IMMP1L: variants seen among roughly 807,000 people sequenced by gnomAD.
The protein encoded by IMMP1L is inner mitochondrial membrane peptidase subunit 1, also known as mitochondrial inner membrane protease subunit 1.
IMMP1L carries 24 observed loss-of-function variants against 21.8 expected under a neutral mutation model. The observed-to-expected ratio is 1.10, with a 90% CI of 0.80 to 1.55. The LOEUF (loss-of-function observed/expected upper bound fraction) is 1.55, where lower values mean the gene tolerates loss of function less well. Ranked by LOEUF, IMMP1L falls within the 40% of genes most tolerant of loss-of-function variation. The probability of loss-of-function intolerance (pLI) is 0.00; values close to 1 mark genes in which losing one functional copy is unlikely to be tolerated. For synonymous variants in IMMP1L, 46 were observed against 62.8 expected, an observed-to-expected ratio of 0.73 and a Z score of 1.26; for missense variants, 195 against 200.7, an observed-to-expected ratio of 0.97 and a Z score of 0.17.
chr11:31,491,424 TAGC>T (rs1306181109), intron 1 of IMMP1L, among the ~76,000 whole-genome samples: 5 of 152,168 alleles, frequency 3.3e-5, no homozygotes, highest in Non-Finnish European at 7.3e-5. Context: ...AGTAAAGAAA[TAGC>T]AGTCCTTGTT....
chr11:31,479,599 A>C (rs532676165), intron 1 of IMMP1L, among the ~76,000 whole-genome samples: 1 of 152,080 alleles, frequency 6.6e-6, no homozygotes, highest in Non-Finnish European at 1.5e-5. Flanking sequence ...AAAGATGACT[A>C]GTCCAAATTG....
chr11:31,499,226 G>A lies in IMMP1L; in HGVS notation c.-30+10293C>T, dbSNP rs564846702. ...AAAAATACAAAAAAATTAGCTGGGC[G>A]TGGTGGCGGGCACCTGTAGTCCCAG... On this transcript the variant is annotated intron_variant, in intron 1 of 5. Transcript: ENST00000532287. Among the ~76,000 whole-genome samples the A allele has an allele frequency of 1.1e-3, 162 of 152,202 alleles. 1 individual carries two copies. The highest frequency in any genetic ancestry group is 3.5e-3 in the African/African-American group (146 of 41,530).
At chr11:31,480,337 TC>T (rs1954854619) in intron 1 of IMMP1L, among the ~76,000 whole-genome samples, 1 of 152,044 alleles carries the variant, frequency 6.6e-6, no homozygotes, top group South Asian at 2.1e-4. Flanking sequence ...AGTCTTTTGA[TC>T]ATATCATCAA....
intron 4 of IMMP1L, among the ~76,000 whole-genome samples, chr11:31,441,743 G>A (rs1473286700): frequency 1.3e-5 from 2 of 151,952 alleles, no homozygotes; most frequent in Non-Finnish European, 2.9e-5. Context: ...AGATTAACAT[G>A]TATTTTTCTT....
intron 1 of IMMP1L, among the ~76,000 whole-genome samples, chr11:31,491,517 A>G (rs1955256408): frequency 6.6e-6 from 1 of 152,194 alleles, no homozygotes; most frequent in African/African-American, 2.4e-5. Flanking sequence ...TAACTTGAAT[A>G]TGTAGCTGAG....
intron 1 of IMMP1L, among the ~76,000 whole-genome samples, chr11:31,472,087 A>G (rs1014507730): frequency 2.0e-5 from 3 of 152,048 alleles, no homozygotes; most frequent in African/African-American, 7.3e-5. Flanking sequence ...TTACTCTTTT[A>G]AGGACCCTGG....
chr11:31,450,825 C>A (rs1177990452), intron 4 of IMMP1L, among the ~76,000 whole-genome samples: 1 of 152,096 alleles, frequency 6.6e-6, no homozygotes, highest in East Asian at 1.9e-4. Flanking sequence ...GCACCCTATT[C>A]ATATATATCT....
intron 3 of IMMP1L, 77 bp from the exon 4 acceptor site, chr11:31,456,463 T>C: frequency 1.8e-6 from 2 of 1,136,990 alleles, no homozygotes; most frequent in South Asian, 1.4e-5. Context: ...TTTAATACTT[T>C]TATAAGACAA....
chr11:31,436,724 G>A (rs952337267), intron 4 of IMMP1L, among the ~76,000 whole-genome samples: 15 of 152,014 alleles, frequency 9.9e-5, no homozygotes, highest in African/African-American at 2.9e-4. Flanking sequence ...GAGCCAGTGC[G>A]CCCAACCATC....
intron 4 of IMMP1L, among the ~76,000 whole-genome samples, chr11:31,442,204 C>A (rs573858865): frequency 6.6e-6 from 1 of 152,190 alleles, no homozygotes; most frequent in South Asian, 2.1e-4. Flanking sequence ...ATGATAAAAC[C>A]TAATCTCAGG....
intron 1 of IMMP1L, among the ~76,000 whole-genome samples, chr11:31,467,120 T>C (rs770094677): frequency 6.6e-6 from 1 of 152,194 alleles, no homozygotes; most frequent in Non-Finnish European, 1.5e-5. Context: ...TAGTATTTTA[T>C]GTATATTTCA....
intron 1 of IMMP1L, among the ~76,000 whole-genome samples, chr11:31,508,017 G>T (rs575918448): frequency 1.3e-5 from 2 of 152,220 alleles, no homozygotes; most frequent in East Asian, 1.9e-4. Flanking sequence ...TTGTAGGGGT[G>T]GGGGGACAGA....
chr11:31,438,275 TG>T (rs1217746846), intron 4 of IMMP1L, among the ~76,000 whole-genome samples: 1 of 152,202 alleles, frequency 6.6e-6, no homozygotes, highest in African/African-American at 2.4e-5. Context: ...GATATTAAAT[TG>T]TGGTTTTAAT....
At chr11:31,464,514 T>A (rs1274122859) in intron 1 of IMMP1L, among the ~76,000 whole-genome samples, 5 of 152,058 alleles carry the variant, frequency 3.3e-5, no homozygotes, top group African/African-American at 1.2e-4. Flanking sequence ...AAATCCCCAA[T>A]GAGCTCAGAT....
chr11:31,508,075 G>A (rs1050182619), intron 1 of IMMP1L, among the ~76,000 whole-genome samples: 1 of 152,086 alleles, frequency 6.6e-6, no homozygotes, highest in Non-Finnish European at 1.5e-5. Flanking sequence ...ATACCGAGGT[G>A]GTGGGTTGAT....
At chr11:31,452,373 G>A (rs1953785358) in intron 4 of IMMP1L, 1 of 985,140 alleles carries the variant, frequency 1.0e-6, no homozygotes, top group Non-Finnish European at 1.2e-6. Flanking sequence ...CAAAATTATA[G>A]TGTATTTCTG....
intron 4 of IMMP1L, among the ~76,000 whole-genome samples, chr11:31,448,057 C>T (rs1953595293): frequency 6.6e-6 from 1 of 152,092 alleles, no homozygotes; most frequent in African/African-American, 2.4e-5. Context: ...ACCTGTAATC[C>T]CAGCACTTTG....
chr11:31,453,551 G>A (rs1259018008), intron 4 of IMMP1L, among the ~76,000 whole-genome samples: 1 of 152,124 alleles, frequency 6.6e-6, no homozygotes, highest in Non-Finnish European at 1.5e-5. Flanking sequence ...GCTAAAAAAA[G>A]GGACACACGA....
intron 1 of IMMP1L, among the ~76,000 whole-genome samples, chr11:31,500,662 C>G (rs1448708505): frequency 6.6e-6 from 1 of 151,588 alleles, no homozygotes; most frequent in African/African-American, 2.4e-5. Flanking sequence ...GGACTCGGAA[C>G]ACAGGGCAAA....
Sources: gnomAD v4.1 joint callset for allele counts (sites outside exome capture counted in the v4.1 genomes callset) on GRCh38, gnomAD v4.1.1 for gene constraint, MANE v1.5 for transcripts, NCBI Gene and HGNC (gene_info 2026-07-23, HGNC 2026-07-21) for gene names.